The following PRR13 variants were observed in gnomAD, a reference collection of about 807,000 sequenced individuals.
PRR13 encodes proline-rich protein 13.
In PRR13, 7 loss-of-function variants were observed where a neutral mutation model predicts 11.5. The observed-to-expected ratio is 0.61, with a 90% CI of 0.34 to 1.14. PRR13 has a LOEUF of 1.14. Ranked by LOEUF, PRR13 falls within the 50% of genes most tolerant of loss-of-function variation. The probability of loss-of-function intolerance (pLI) is 0.03; values close to 1 mark genes in which losing one functional copy is unlikely to be tolerated. For synonymous variants in PRR13, 53 were observed against 67.8 expected, an observed-to-expected ratio of 0.78 and a Z score of 1.07; for missense variants, 155 against 194.4, an observed-to-expected ratio of 0.80 and a Z score of 1.21.
chr12:53,441,808 G>T lies in PRR13; in HGVS notation c.-21+16G>T, dbSNP rs747356765. On this transcript the variant is annotated intron_variant, in intron 1 of 3. Transcript: ENST00000429243. ...CGGTGGAAAGGTGATGGGGTATCTG[G>T]ATTCCATAGGTTTTTCCTTTTCCCC... is the stretch of plus-strand genomic sequence containing the variant. 4.3e-6 allele frequency: 3 copies of T among 702,370 alleles called. No individual in the cohort carries two copies. The Admixed American group carries it at 6.0e-5, about 14-fold the overall frequency. The allele number at this position is 702,370 out of a possible 1,614,324, so 43.5% of individuals were successfully genotyped here.
At chr12:53,443,150 C>T (rs1252433799) in intron 2 of PRR13, 3 of 465,348 alleles carry the variant, frequency 6.4e-6, no homozygotes, top group African/African-American at 4.0e-5. Flanking sequence ...AGCCACCGCG[C>T]CTGGACTGAC....
intron 3 of PRR13, 81 bp downstream of exon 3, chr12:53,443,854 T>C: frequency 4.1e-6 from 6 of 1,463,044 alleles, no homozygotes; most frequent in Non-Finnish European, 5.5e-6. Flanking sequence ...TGAGGGGGAT[T>C]CACATTCTGT....
rs1940399260 is a variant in PRR13, at chr12:53,446,237, G to A, written c.*178G>A. ...GGGGAAATGGGAAGAGGATTGCCATGGCCTGGCCATCTTGTTGCTGCTTGG... is the reference window on the plus strand; with the variant it reads ...GGGGAAATGGGAAGAGGATTGCCATAGCCTGGCCATCTTGTTGCTGCTTGG... On this transcript the variant is annotated 3_prime_UTR_variant, in exon 4 of 4. Transcript: ENST00000429243. 8.7e-7 allele frequency: 1 copy of A among 1,145,780 alleles called. No homozygotes were observed. Among genetic ancestry groups the A allele is most frequent in the Non-Finnish European group, 1.2e-6 (1 of 839,644 alleles). 71.0% of individuals were successfully genotyped at this position (1,145,780 alleles called of 1,614,324 possible).
At chr12:53,442,267 C>T (rs1375463895) in intron 1 of PRR13, 2 of 207,506 alleles carry the variant, frequency 9.6e-6, no homozygotes, top group East Asian at 1.3e-4. Flanking sequence ...CTTTTTGAGA[C>T]GGTGTCTTGC....
chr12:53,445,978 T>C (rs1338451952), intron 3 of PRR13, 37 bp from the exon 4 acceptor site: 3 of 1,609,554 alleles, frequency 1.9e-6, no homozygotes, highest in Non-Finnish European at 2.5e-6. Context: ...TTGGATCTGA[T>C]GCTATCTTCT....
At position 53,441,769 on chromosome 12, in the gene PRR13, G is replaced by T. The variant is rs758865558; in HGVS notation, c.-44G>T. 1.4e-6 allele frequency: 1 copy of T among 702,280 alleles called. No individual in the cohort carries two copies. Among genetic ancestry groups the T allele is most frequent in the South Asian group, 1.5e-5 (1 of 67,588 alleles). 43.5% of individuals were successfully genotyped at this position (702,280 alleles called of 1,614,324 possible). A position where few individuals can be genotyped will look rare whatever the true frequency, so the allele number is the denominator to read the frequency against. ...AGCCGAGACTGCGAAGGAGAACGCA[G>T]CAAGCCCAGGCGGCGGTGGAAAGGT... On this transcript the variant is annotated 5_prime_UTR_variant, in exon 1 of 4. Transcript: ENST00000429243.
At chr12:53,442,668 T>C (rs1482677155) in intron 1 of PRR13, 27 bp from the exon 2 acceptor site, 20 of 1,578,540 alleles carry the variant, frequency 1.3e-5, no homozygotes, top group Middle Eastern at 1.7e-4. Context: ...GACCGTCATC[T>C]TTTTTGCCTC....
At chr12:53,442,758 A>AC in intron 2 of PRR13, 25 bp downstream of exon 2, 1 of 1,598,092 alleles carries the variant, frequency 6.3e-7, no homozygotes, top group Non-Finnish European at 8.6e-7. Flanking sequence ...GTTCTGTTCC[A>AC]CCCCTAACCC....
intron 1 of PRR13, 47 bp from the exon 2 acceptor site, chr12:53,442,647 TC>T (rs749318091): frequency 6.5e-7 from 1 of 1,529,884 alleles, no homozygotes; most frequent in Non-Finnish European, 9.1e-7. Flanking sequence ...TAAGTCCACT[TC>T]CTACCTCTAG....
rs1337461220 is a variant in PRR13, at chr12:53,443,617, A to G, written c.246A>G (p.Pro82=). The G allele has an allele frequency of 6.2e-7, 1 of 1,612,844 alleles. No individual in the cohort carries two copies. Among genetic ancestry groups the G allele is most frequent in the African/African-American group, 1.3e-5 (1 of 74,470 alleles). The change falls in exon 3 of 4, where the codon CCA becomes CCG. Residue 82 remains proline (P), a synonymous_variant. Transcript: ENST00000429243. ...TGGGTCCCTACCCTCCTCCATACCC[A>G]CCGCCTGCCCCTGGAATCCCTCCTG... ...QPLGPYPPPY[P]PPAPGIPPVN...
At chr12:53,442,523 G>T (rs1940313604) in intron 1 of PRR13, 172 bp from the exon 2 acceptor site, 1 of 585,874 alleles carries the variant, frequency 1.7e-6, no homozygotes, top group African/African-American at 1.9e-5. Context: ...GATTACAGGC[G>T]TGAGCCACCG....
chr12:53,443,479 T>TC lies in PRR13; in HGVS notation c.113dup (p.Gly39ArgfsTer80), dbSNP rs1250568864. The TC allele has an allele frequency of 6.9e-7, 1 of 1,449,054 alleles. No homozygotes were observed. Among genetic ancestry groups the TC allele is most frequent in the African/African-American group, 1.4e-5 (1 of 69,310 alleles). 89.8% of individuals were successfully genotyped at this position (1,449,054 alleles called of 1,614,324 possible). On this transcript the variant is annotated frameshift_variant, in exon 3 of 4. Coordinates refer to ENST00000429243, the MANE Select transcript of PRR13 (RefSeq NM_018457.4). LOFTEE classifies it high-confidence loss of function. ...ACCCACCACCTATTAATCCACCCTT[T>TC]CCCCCAGGCCCCTGTCCTCCTCCCC... is the stretch of plus-strand genomic sequence containing the variant.
intron 3 of PRR13, among the ~76,000 whole-genome samples, chr12:53,444,562 CT>C (rs1940365324): frequency 6.6e-6 from 1 of 152,222 alleles, no homozygotes; most frequent in African/African-American, 2.4e-5. Context: ...ATCTCCTGAC[CT>C]TGTGATCCGC....
intron 3 of PRR13, chr12:53,444,195 T>C: frequency 4.2e-6 from 1 of 235,728 alleles, no homozygotes; most frequent in East Asian, 8.3e-5. Context: ...GTTCCAGAAG[T>C]TCCTTCTCTC....
At chr12:53,443,246 A>C in intron 2 of PRR13, 145 bp from the exon 3 acceptor site, 1 of 838,616 alleles carries the variant, frequency 1.2e-6, no homozygotes, top group African/African-American at 1.7e-5. Context: ...CCCCAACTCA[A>C]GTTTGTCTCC....
intron 3 of PRR13, among the ~76,000 whole-genome samples, chr12:53,444,771 G>T (rs987776445): frequency 6.6e-5 from 10 of 152,130 alleles, no homozygotes; most frequent in Non-Finnish European, 1.3e-4. Context: ...GGTGGCGCAT[G>T]CCTGTAATCC....
In PRR13 at chr12:53,443,538, C is replaced by G; in HGVS notation, c.167C>G (p.Pro56Arg). The change falls in exon 3 of 4, where the codon CCA (proline) becomes CGA (arginine). Residue 56 changes from proline (P) to arginine (R), a missense_variant. Physicochemically the swap from Pro to Arg is moderately radical, Grantham distance 103. Coordinates refer to ENST00000429243, the MANE Select transcript of PRR13 (RefSeq NM_018457.4). ...CCCCATGGCAATCCAGCTTTCCCCC[C>G]AGGTGGGCCCCCTCATCCTGTGCCA... ...GAPHGNPAFP[P>R]GGPPHPVPQP... The G allele has an allele frequency of 2.6e-6, 4 of 1,566,962 alleles. No individual in the cohort carries two copies. In the South Asian group the frequency reaches 3.4e-5, roughly 13 times the overall value.
At chr12:53,444,101 G>T (rs1389506104) in intron 3 of PRR13, 2 of 432,546 alleles carry the variant, frequency 4.6e-6, no homozygotes, top group Non-Finnish European at 4.1e-6. Context: ...AGTTGGACAC[G>T]CCCACTGACA....
Position 53,446,246 on chromosome 12 carries a change from A to T in PRR13, c.*187A>T. On this transcript the variant is annotated 3_prime_UTR_variant, in exon 4 of 4. Transcript: ENST00000429243. The stretch of plus-strand genomic sequence containing the variant: ...GGAAGAGGATTGCCATGGCCTGGCC[A>T]TCTTGTTGCTGCTTGGTTAGATCAT... 2.0e-6 allele frequency: 2 copies of T among 1,015,196 alleles called. No individual in the cohort carries two copies. Among genetic ancestry groups the T allele is most frequent in the Non-Finnish European group, 1.4e-6 (1 of 735,000 alleles). 62.9% of individuals were successfully genotyped at this position (1,015,196 alleles called of 1,614,324 possible).
Sources: allele counts gnomAD v4.1 joint callset (sites outside exome capture counted in the v4.1 genomes callset), GRCh38; gene constraint gnomAD v4.1.1; transcripts MANE v1.5; gene names NCBI Gene and HGNC (gene_info 2026-07-23, HGNC 2026-07-21).